Variants in XKR9 observed in about 807,000 individuals in gnomAD.
XKR9 encodes XK related 9.
A neutral mutation model predicts 32.0 loss-of-function variants in XKR9; 32 were observed. That is an observed-to-expected ratio of 1.00 (90% CI 0.76 to 1.34). The LOEUF is 1.34. Among genes scored for constraint, XKR9 ranks in the 40% most tolerant of loss-of-function variants. XKR9 has a pLI of 0.00. For missense variants in XKR9, 546 were observed against 429.7 expected (o/e 1.27, Z -2.39); for synonymous variants, 168 against 143.4 (o/e 1.17, Z -1.22).
intron 2 of XKR9, among the ~76,000 whole-genome samples, chr8:70,679,766 G>A (rs1187585703): frequency 6.6e-6 from 1 of 152,174 alleles, no homozygotes; most frequent in African/African-American, 2.4e-5. Context: ...TTCAGACTAT[G>A]TTTATAAAAT....
At chr8:70,989,135 A>G in the XKR9 span, among the ~76,000 whole-genome samples, 8 of 152,156 alleles carry the variant, frequency 5.3e-5, no homozygotes, top group Admixed American at 4.6e-4. Flanking sequence ...CATATAATTG[A>G]TTGACACATA....
At chr8:71,061,019 T>C in the XKR9 span, among the ~76,000 whole-genome samples, 1 of 152,244 alleles carries the variant, frequency 6.6e-6, no homozygotes, top group Non-Finnish European at 1.5e-5. Flanking sequence ...TTCATATGTG[T>C]TATCCTGTTT....
chr8:71,044,997 C>T, the XKR9 span, among the ~76,000 whole-genome samples: 10 of 152,154 alleles, frequency 6.6e-5, no homozygotes, highest in Non-Finnish European at 1.5e-4. Flanking sequence ...CTTAGTATTA[C>T]ACATTTTAGT....
At chr8:70,723,385 T>C (rs1028946255) in intron 4 of XKR9, among the ~76,000 whole-genome samples, 59 of 152,124 alleles carry the variant, frequency 3.9e-4, no homozygotes, top group Admixed American at 3.9e-3. Flanking sequence ...AGAAGAGATA[T>C]TTTGGCTTTT....
At chr8:70,766,136 G>A (rs1033590997) in intron 2 of XKR9, among the ~76,000 whole-genome samples, 1 of 151,050 alleles carries the variant, frequency 6.6e-6, no homozygotes, top group Non-Finnish European at 1.5e-5. Context: ...CTCTAATTCT[G>A]TGAAGAAATT....
the XKR9 span, among the ~76,000 whole-genome samples, chr8:71,063,498 T>C: frequency 6.6e-6 from 1 of 152,020 alleles, no homozygotes; most frequent in Admixed American, 6.6e-5. Context: ...ATTTACTAGC[T>C]TCTCTGAATT....
the XKR9 span, among the ~76,000 whole-genome samples, chr8:70,836,552 T>C: frequency 2.0e-5 from 3 of 149,392 alleles, no homozygotes; most frequent in East Asian, 5.8e-4. Flanking sequence ...ATTATATAAA[T>C]ACACCACAAT....
chr8:70,707,470 G>A (rs1292023983), intron 4 of XKR9, among the ~76,000 whole-genome samples: 1 of 151,276 alleles, frequency 6.6e-6, no homozygotes, highest in Non-Finnish European at 1.5e-5. Context: ...TGTTTTTTGT[G>A]CCTCATAGTA....
At chr8:70,761,789 T>C (rs1479590370) in intron 2 of XKR9, among the ~76,000 whole-genome samples, 1 of 152,156 alleles carries the variant, frequency 6.6e-6, no homozygotes, top group Non-Finnish European at 1.5e-5. Flanking sequence ...TCCTGAATGG[T>C]ATCGCCTAGG....
At chr8:70,741,166 G>A (rs1437453051) in intron 2 of XKR9, among the ~76,000 whole-genome samples, 1 of 152,228 alleles carries the variant, frequency 6.6e-6, no homozygotes, top group Non-Finnish European at 1.5e-5. Context: ...AGCAAGCCTG[G>A]GCAATGGTGG....
intron 3 of XKR9, among the ~76,000 whole-genome samples, chr8:70,697,233 A>G (rs368932883): frequency 2.5e-4 from 37 of 149,484 alleles, no homozygotes; most frequent in South Asian, 1.5e-3. Flanking sequence ...GAATAGGAGT[A>G]GTGAGAGAGG....
chr8:70,971,021 C>G, the XKR9 span, among the ~76,000 whole-genome samples: 1 of 152,128 alleles, frequency 6.6e-6, no homozygotes, highest in Non-Finnish European at 1.5e-5. Context: ...TTATGTGGTA[C>G]TTTTAGTTCT....
chr8:70,673,431 A>C (rs191507254), intron 1 of XKR9, among the ~76,000 whole-genome samples: 82 of 152,356 alleles, frequency 5.4e-4, no homozygotes, highest in Admixed American at 1.2e-3. Context: ...AATAGAAGGT[A>C]GATAGTGACT....
the XKR9 span, among the ~76,000 whole-genome samples, chr8:70,839,836 C>T: frequency 5.3e-5 from 8 of 152,160 alleles, no homozygotes; most frequent in Middle Eastern, 3.2e-3. Flanking sequence ...AATACCCTTA[C>T]ATGGAATCCC....
chr8:71,019,796 T>G, the XKR9 span, among the ~76,000 whole-genome samples: 1,388 of 152,284 alleles, frequency 9.1e-3, 15 homozygotes, highest in Middle Eastern at 0.027. Flanking sequence ...GCTATAAAAT[T>G]GACTCTGAAG....
chr8:70,864,013 G>T, the XKR9 span, among the ~76,000 whole-genome samples: 1 of 152,052 alleles, frequency 6.6e-6, no homozygotes, highest in Non-Finnish European at 1.5e-5. Flanking sequence ...ACTTGGGCAT[G>T]CAAATCACAT....
At chr8:70,983,368 G>C in the XKR9 span, among the ~76,000 whole-genome samples, 2 of 152,006 alleles carry the variant, frequency 1.3e-5, no homozygotes, top group Admixed American at 6.6e-5. Context: ...ACCACTTGAC[G>C]CAGCCTGTTA....
At chr8:70,892,934 T>C in the XKR9 span, among the ~76,000 whole-genome samples, 1 of 152,180 alleles carries the variant, frequency 6.6e-6, no homozygotes, top group Non-Finnish European at 1.5e-5. Flanking sequence ...GATTTCTATA[T>C]ATTTTTCTTT....
downstream of XKR9, chr8:70,790,409 A>G (rs1807749815): frequency 6.6e-6 from 1 of 152,060 alleles, no homozygotes; most frequent in South Asian, 2.1e-4. Context: ...GTTGCATGAG[A>G]TATTTTGTAC....
Sources: gnomAD v4.1 joint callset for allele counts (sites outside exome capture counted in the v4.1 genomes callset) on GRCh38, gnomAD v4.1.1 for gene constraint, MANE v1.5 for transcripts, NCBI Gene and HGNC (gene_info 2026-07-23, HGNC 2026-07-21) for gene names.